The following SLC24A3 variants were observed in gnomAD, a reference collection of about 807,000 sequenced individuals.
SLC24A3 encodes sodium/potassium/calcium exchanger 3.
Under a neutral mutation model 75.8 loss-of-function variants are expected in SLC24A3, and 28 were observed. The ratio of observed to expected loss-of-function variants is 0.37; its 90% CI spans 0.27 to 0.51. The LOEUF (loss-of-function observed/expected upper bound fraction) is 0.51, where lower values mean the gene tolerates loss of function less well. SLC24A3 is among the 20% of genes least tolerant of loss of function. The pLI, the probability that SLC24A3 is intolerant of heterozygous loss-of-function variation, is 0.94. For missense variants in SLC24A3, 663 were observed against 847.8 expected (o/e 0.78, Z 2.71); for synonymous variants, 372 against 334.1 (o/e 1.11, Z -1.24).
intron 2 of SLC24A3, among the ~76,000 whole-genome samples, chr20:19,511,616 C>T (rs139895680): frequency 0.012 from 1,869 of 152,252 alleles, 48 homozygotes; most frequent in African/African-American, 0.043. Flanking sequence ...CGTGAGCCAC[C>T]GCGCCCGGCC....
chr20:19,685,319 G>C lies in SLC24A3; in HGVS notation c.1282G>C (p.Glu428Gln). ...NENDEEEEED[E>Q]DDDEGPYTPF... ...GAATGATGAGGAGGAAGAGGAGGACGAGGATGATGATGAAGGACCGTACAC... is the reference window on the plus strand; with the variant it reads ...GAATGATGAGGAGGAAGAGGAGGACCAGGATGATGATGAAGGACCGTACAC... The change falls in exon 12 of 17, where the codon GAG (glutamate) becomes CAG (glutamine). Residue 428 changes from glutamate to glutamine, a missense_variant. Coordinates refer to ENST00000328041, the MANE Select transcript of SLC24A3 (RefSeq NM_020689.4). The C allele has an allele frequency of 6.2e-7, 1 of 1,614,218 alleles. No homozygotes were observed. The highest frequency in any genetic ancestry group is 8.5e-7 in the Non-Finnish European group (1 of 1,180,042).
intron 2 of SLC24A3, among the ~76,000 whole-genome samples, chr20:19,425,730 C>T (rs1023562689): frequency 6.6e-6 from 1 of 152,176 alleles, no homozygotes; most frequent in African/African-American, 2.4e-5. Flanking sequence ...TGAAGAGAAA[C>T]TCCCACCACA....
At chr20:19,501,486 C>T (rs1409694343) in intron 2 of SLC24A3, among the ~76,000 whole-genome samples, 2 of 152,188 alleles carry the variant, frequency 1.3e-5, no homozygotes, top group Non-Finnish European at 2.9e-5. Context: ...AATTTGGCGA[C>T]TTCACATGGG....
At chr20:19,233,384 A>G (rs550022556) in intron 1 of SLC24A3, among the ~76,000 whole-genome samples, 1 of 152,248 alleles carries the variant, frequency 6.6e-6, no homozygotes, top group Admixed American at 6.5e-5. Flanking sequence ...ACATGGACGC[A>G]TCTTGTCCTA....
intron 1 of SLC24A3, among the ~76,000 whole-genome samples, chr20:19,230,821 T>C (rs1982000945): frequency 6.6e-6 from 1 of 152,174 alleles, no homozygotes; most frequent in Admixed American, 6.5e-5. Context: ...CTTTTATGCA[T>C]CTCTGTATTT....
At chr20:19,434,644 C>T (rs1479951704) in intron 2 of SLC24A3, among the ~76,000 whole-genome samples, 1 of 152,156 alleles carries the variant, frequency 6.6e-6, no homozygotes, top group Admixed American at 6.5e-5. Context: ...CTCTACATCC[C>T]TCTAATAGGC....
chr20:19,276,332 G>C (rs1983485916), intron 1 of SLC24A3, among the ~76,000 whole-genome samples: 1 of 152,172 alleles, frequency 6.6e-6, no homozygotes, highest in South Asian at 2.1e-4. Context: ...TTTCATGGGG[G>C]ATGCTCGTCC....
intron 2 of SLC24A3, among the ~76,000 whole-genome samples, chr20:19,312,322 T>C (rs911731311): frequency 1.3e-5 from 2 of 152,214 alleles, no homozygotes; most frequent in Non-Finnish European, 2.9e-5. Context: ...TCCAGGGAAC[T>C]GGTCAAAGCT....
intron 3 of SLC24A3, among the ~76,000 whole-genome samples, chr20:19,576,143 T>C (rs1490220186): frequency 6.6e-6 from 1 of 152,148 alleles, no homozygotes; most frequent in Non-Finnish European, 1.5e-5. Flanking sequence ...CCAGGTAATA[T>C]ACCTGGAGCA....
At chr20:19,564,917 T>C (rs2030931421) in intron 3 of SLC24A3, among the ~76,000 whole-genome samples, 1 of 152,230 alleles carries the variant, frequency 6.6e-6, no homozygotes, top group African/African-American at 2.4e-5. Flanking sequence ...CAAGCAATTC[T>C]CCTGCCTTAG....
intron 3 of SLC24A3, among the ~76,000 whole-genome samples, chr20:19,563,425 C>T (rs930569574): frequency 1.3e-5 from 2 of 152,178 alleles, no homozygotes; most frequent in Admixed American, 1.3e-4. Context: ...AGATATTTTG[C>T]AGAATTGTTT....
intron 2 of SLC24A3, among the ~76,000 whole-genome samples, chr20:19,301,386 A>G (rs1984192521): frequency 1.3e-5 from 2 of 152,156 alleles, no homozygotes; most frequent in Non-Finnish European, 2.9e-5. Context: ...TAAACTCTCA[A>G]CACTCAGAGA....
In SLC24A3 at chr20:19,356,037, C is replaced by T. The variant is rs180841859; in HGVS notation, c.271+74950C>T. Among the ~76,000 whole-genome samples the T allele has an allele frequency of 1.2e-4, 19 of 152,260 alleles. 1 individual carries two copies. The South Asian group carries it at 3.9e-3, about 32-fold the overall frequency. On this transcript the variant is annotated intron_variant, in intron 2 of 16. Coordinates refer to ENST00000328041, the MANE Select transcript of SLC24A3 (RefSeq NM_020689.4). ...GGGTCTATAGACCCCAAATTAAGAA[C>T]CCTTGGAATTAGGACCAAACTCTGC...
chr20:19,324,039 T>G (rs190611877), intron 2 of SLC24A3, among the ~76,000 whole-genome samples: 116 of 152,292 alleles, frequency 7.6e-4, no homozygotes, highest in Middle Eastern at 3.4e-3. Context: ...CTCATCACAG[T>G]GCCCGGCGCA....
At chr20:19,485,756 C>T (rs528086176) in intron 2 of SLC24A3, among the ~76,000 whole-genome samples, 109 of 152,252 alleles carry the variant, frequency 7.2e-4, no homozygotes, top group Middle Eastern at 3.4e-3. Flanking sequence ...AAGATTCACA[C>T]GCTCCCAAAA....
chr20:19,411,848 A>T (rs1417245989), intron 2 of SLC24A3, among the ~76,000 whole-genome samples: 1 of 152,252 alleles, frequency 6.6e-6, no homozygotes, highest in Non-Finnish European at 1.5e-5. Context: ...ACACTGTCAA[A>T]ATAGTTGACA....
chr20:19,346,146 TATATATATATG>T (rs1191187679), intron 2 of SLC24A3, among the ~76,000 whole-genome samples: 1 of 84,270 alleles, frequency 1.2e-5, no homozygotes, highest in Admixed American at 1.5e-4. Context: ...ATGGTGTGTG[TATATATATATG>T]GTGTATATAT....
chr20:19,350,190 A>G (rs1485235518), intron 2 of SLC24A3, among the ~76,000 whole-genome samples: 1 of 152,320 alleles, frequency 6.6e-6, no homozygotes, highest in East Asian at 1.9e-4. Flanking sequence ...GAATAATGGG[A>G]AATAACTTTT....
Position 19,463,893 on chromosome 20 carries a change from G to T in SLC24A3, c.272-51595G>T, listed in dbSNP as rs550358112. Among the ~76,000 whole-genome samples the T allele has an allele frequency of 2.1e-3, 324 of 152,262 alleles. 2 individuals are homozygous for T. Among genetic ancestry groups the T allele is most frequent in the African/African-American group, 7.4e-3 (308 of 41,514 alleles). On this transcript the variant is annotated intron_variant, in intron 2 of 16. Transcript: ENST00000328041. ...AGGGCTTTCCCAAGATTGCTGGGGG[G>T]CAGCCCTGGTAGTGGGTGGGAGGTG...
Sources: allele counts gnomAD v4.1 joint callset (sites outside exome capture counted in the v4.1 genomes callset), GRCh38; gene constraint gnomAD v4.1.1; transcripts MANE v1.5; gene names NCBI Gene and HGNC (gene_info 2026-07-23, HGNC 2026-07-21).